The following TNXB variants were observed in gnomAD, a reference collection of about 807,000 sequenced individuals.
The protein encoded by TNXB is tenascin-X.
In TNXB, 183 loss-of-function variants were observed where a neutral mutation model predicts 340.5. That is an observed-to-expected ratio of 0.54 (90% CI 0.48 to 0.61). The LOEUF (loss-of-function observed/expected upper bound fraction) is 0.61. Ranked by LOEUF, TNXB falls within the 20% of genes least tolerant of loss-of-function variation. TNXB has a pLI of 0.00. For missense variants in TNXB, 4,613 were observed against 5,446.4 expected, an observed-to-expected ratio of 0.85 and a Z score of 4.82; for synonymous variants, 2,121 against 2,314.5, an observed-to-expected ratio of 0.92 and a Z score of 2.40.
intron 19 of TNXB, among the ~76,000 whole-genome samples, chr6:32,063,012 G>A (rs539238573): frequency 1.7e-4 from 26 of 151,954 alleles, no homozygotes; most frequent in South Asian, 1.2e-3. Flanking sequence ...CCAAGATCAC[G>A]CCACTGCACT....
At chr6:32,057,501 C>A (rs1018846296) in intron 22 of TNXB, among the ~76,000 whole-genome samples, 1 of 152,216 alleles carries the variant, frequency 6.6e-6, no homozygotes, top group African/African-American at 2.4e-5. Context: ...TCAGCCCCCA[C>A]GGATGAGCTT....
chr6:32,092,652 T>G (rs1259405127), intron 4 of TNXB, among the ~76,000 whole-genome samples: 2 of 148,780 alleles, frequency 1.3e-5, no homozygotes, highest in African/African-American at 5.0e-5. Flanking sequence ...ATTGCGCCAT[T>G]GCACTCCAGC....
In TNXB at chr6:32,042,530, G is replaced by A. The variant is rs1776503346; in HGVS notation, c.12135C>T (p.Thr4045=). The A allele has an allele frequency of 1.9e-6, 3 of 1,612,104 alleles. No homozygotes were observed. The highest frequency in any genetic ancestry group is 1.3e-5 in the African/African-American group (1 of 74,756). The change falls in exon 40 of 44, where the codon ACC becomes ACT. Residue 4045 remains threonine, a synonymous_variant. Coordinates refer to ENST00000644971, the MANE Select transcript of TNXB (RefSeq NM_001365276.2). ...GCTCGCGGTTGCCGTTGAGGAAGAT[G>A]GTGCTGGTCCTGGAGGCACCGGCTC... The part of the protein sequence containing the change: ...QNGAGASRTS[T]IFLNGNRERP...
In TNXB at chr6:32,082,718, G is replaced by A. The variant is rs944040862; in HGVS notation, c.3446-392C>T. Among the ~76,000 whole-genome samples the A allele has an allele frequency of 1.3e-5, 2 of 152,138 alleles. No individual in the cohort carries two copies. Among genetic ancestry groups the A allele is most frequent in the East Asian group, 3.8e-4 (2 of 5,196 alleles). On this transcript the variant is annotated intron_variant, in intron 8 of 43. Transcript: ENST00000644971. This position sits in a 1 kb window ranked among gnomAD's most constrained non-coding sequence, Gnocchi z 5.0. ...CCACTGCTTCCAAGCCTAACTACTAGCTGGCTTCTTCTCCAAGAGAGGAGA... is the reference window on the plus strand; with the variant it reads ...CCACTGCTTCCAAGCCTAACTACTAACTGGCTTCTTCTCCAAGAGAGGAGA...
chr6:32,095,310 G>T, intron 3 of TNXB, 119 bp from the exon 4 acceptor site: 1 of 794,048 alleles, frequency 1.3e-6, no homozygotes. Context: ...CTCTCTGCTA[G>T]TGGAGAATAG....
Position 32,061,150 on chromosome 6 carries a change from G to C in TNXB, c.7492+247C>G, listed in dbSNP as rs1777980689. Among the ~76,000 whole-genome samples, 2 of 152,000 alleles carry C rather than the reference G, an allele frequency of 1.3e-5. No homozygotes were observed. Among genetic ancestry groups the C allele is most frequent in the African/African-American group, 2.4e-5 (1 of 41,260 alleles). On this transcript the variant is annotated intron_variant, in intron 21 of 43. Transcript: ENST00000644971. The surrounding 1 kb of genome is among the most constrained non-coding windows in gnomAD (Gnocchi z 4.4). Reference sequence around the variant, plus strand: ...AAGATGGAAAGAAAGGAAAATTCTCGTAAGTCAGGCTTGGTGTGCGCCTGA... The same window carrying C: ...AAGATGGAAAGAAAGGAAAATTCTCCTAAGTCAGGCTTGGTGTGCGCCTGA...
In TNXB at chr6:32,043,749, C is replaced by T. The variant is rs780247922; in HGVS notation, c.11530G>A (p.Val3844Ile). The T allele has an allele frequency of 8.7e-6, 14 of 1,613,492 alleles. No homozygotes were observed. The highest frequency in any genetic ancestry group is 1.0e-5 in the Non-Finnish European group (12 of 1,180,016). ...SEPLTGFLTTVPDGPTQLRAL... is the reference protein window; with the variant it reads ...SEPLTGFLTTIPDGPTQLRAL... Reference sequence around the variant, plus strand: ...TGCCCCGGGTCCCAGTCCATCTCACCCGTGGTGAGGAAGCCTGTGAGAGGC... The same window carrying T: ...TGCCCCGGGTCCCAGTCCATCTCACTCGTGGTGAGGAAGCCTGTGAGAGGC... Residue 3844 changes from valine (V) to isoleucine (I), a missense_variant and splice_region_variant, in exon 35 of 44, where the codon GTT (valine) becomes ATT (isoleucine). Val to Ile is a conservative substitution (Grantham distance 29). Transcript: ENST00000644971.
Position 32,075,773 on chromosome 6 carries a change from C to T in TNXB, c.4376-1821G>A, listed in dbSNP as rs1779048628. 6.6e-6 allele frequency among the ~76,000 whole-genome samples: 1 copy of T among 152,140 alleles called. No homozygotes were observed. Among genetic ancestry groups the T allele is most frequent in the South Asian group, 2.1e-4 (1 of 4,832 alleles). On this transcript the variant is annotated intron_variant, in intron 11 of 43. Coordinates refer to ENST00000644971, the MANE Select transcript of TNXB (RefSeq NM_001365276.2). The surrounding 1 kb of genome is among the most constrained non-coding windows in gnomAD (Gnocchi z 4.6). ...GGTCTGGGCTCAGGACCTGCAGATC[C>T]CCACCACTCCCGCATGAGGAAGCAC...
Position 32,073,508 on chromosome 6 carries a change from G to A in TNXB, c.4681+139C>T. The A allele has an allele frequency of 1.4e-6, 1 of 701,518 alleles. No homozygotes were observed. The highest frequency in any genetic ancestry group is 2.3e-6 in the Non-Finnish European group (1 of 428,858). 43.5% of individuals were successfully genotyped at this position (701,518 alleles called of 1,614,324 possible). ...GGGTCAGGGAACAGAAAGACTGGCAGGGTCACCGAGCCAGGGCCTGAGGGG... is the reference window on the plus strand; with the variant it reads ...GGGTCAGGGAACAGAAAGACTGGCAAGGTCACCGAGCCAGGGCCTGAGGGG... On this transcript the variant is annotated intron_variant, in intron 12 of 43. Coordinates refer to ENST00000644971, the MANE Select transcript of TNXB (RefSeq NM_001365276.2). The surrounding 1 kb of genome is among the most constrained non-coding windows in gnomAD (Gnocchi z 4.6).
rs1214381958 is a variant in TNXB at position 32,087,857 on chromosome 6, A to C, written c.2779+928T>G. 2 of 454,458 alleles carry C rather than the reference A, an allele frequency of 4.4e-6. No individual in the cohort carries two copies. Among genetic ancestry groups the C allele is most frequent in the African/African-American group, 4.5e-5 (2 of 44,428 alleles). 28.2% of individuals were successfully genotyped at this position (454,458 alleles called of 1,614,324 possible). On this transcript the variant is annotated intron_variant, in intron 6 of 43. Coordinates refer to ENST00000644971, the MANE Select transcript of TNXB (RefSeq NM_001365276.2). The surrounding 1 kb of genome is among the most constrained non-coding windows in gnomAD (Gnocchi z 9.0). ...TGGGACAGGCTTGGCCTGGGCGGGGACTCCTCCTCCCTTTCCTCTGCTGGC... is the reference window on the plus strand; with the variant it reads ...TGGGACAGGCTTGGCCTGGGCGGGGCCTCCTCCTCCCTTTCCTCTGCTGGC...
chr6:32,082,415 G>T lies in TNXB; in HGVS notation c.3446-89C>A. 3 of 1,345,974 alleles carry T rather than the reference G, an allele frequency of 2.2e-6. No homozygotes were observed. The highest frequency in any genetic ancestry group is 2.0e-6 in the Non-Finnish European group (2 of 988,668). The allele number at this position is 1,345,974 out of a possible 1,614,324, so 83.4% of individuals were successfully genotyped here. A position where few individuals can be genotyped will look rare whatever the true frequency, so the allele number is the denominator to read the frequency against. ...CCACATAGGAATGCTGTGTGAGGCTGTGCAGGTTGTTCACTGCACAAAAGT... is the reference window on the plus strand; with the variant it reads ...CCACATAGGAATGCTGTGTGAGGCTTTGCAGGTTGTTCACTGCACAAAAGT... On this transcript the variant is annotated intron_variant, in intron 8 of 43. Transcript: ENST00000644971. The surrounding 1 kb of genome is among the most constrained non-coding windows in gnomAD (Gnocchi z 5.0).
At position 32,058,348 on chromosome 6, in the gene TNXB, G is replaced by A; in HGVS notation, c.7535C>T (p.Pro2512Leu). ...GGGGGGCCCTGGGGCCTCTGTGCCTGGTTCTGTAGGGCTGGGGGTCTCGTC... is the reference window on the plus strand; with the variant it reads ...GGGGGGCCCTGGGGCCTCTGTGCCTAGTTCTGTAGGGCTGGGGGTCTCGTC... ...DVDETPSPTE[P>L]GTEAPGPPEE... Residue 2512 changes from proline (P) to leucine (L), a missense_variant, in exon 22 of 44, where the codon CCA becomes CTA. This residue lies in a region of TNXB where 4,327 missense variants were observed against 4,859.4 expected (regional missense o/e 0.89). Coordinates refer to ENST00000644971, the MANE Select transcript of TNXB (RefSeq NM_001365276.2). This position sits in a 1 kb window ranked among gnomAD's most constrained non-coding sequence, Gnocchi z 5.1. 6.2e-7 allele frequency: 1 copy of A among 1,611,142 alleles called. No individual in the cohort carries two copies. The highest frequency in any genetic ancestry group is 2.2e-5 in the East Asian group (1 of 44,864).
At position 32,074,346 on chromosome 6, in the gene TNXB, C is replaced by A. The variant is rs957403869; in HGVS notation, c.4376-394G>T. Among the ~76,000 whole-genome samples the A allele has an allele frequency of 1.3e-5, 2 of 152,138 alleles. No homozygotes were observed. The highest frequency in any genetic ancestry group is 2.9e-5 in the Non-Finnish European group (2 of 68,034). On this transcript the variant is annotated intron_variant, in intron 11 of 43. Coordinates refer to ENST00000644971, the MANE Select transcript of TNXB (RefSeq NM_001365276.2). This position sits in a 1 kb window ranked among gnomAD's most constrained non-coding sequence, Gnocchi z 5.5. ...GCGATGTCTGTTGCATTTGTGGAAC[C>A]CGCATGATGGTTTTGATGTAAAAGC...
At position 32,067,997 on chromosome 6, in the gene TNXB, AAGAG is replaced by A. The variant is rs752629910; in HGVS notation, c.6221-17_6221-14del. The A allele has an allele frequency of 2.4e-5, 38 of 1,607,912 alleles. No individual in the cohort carries two copies. Among genetic ancestry groups the A allele is most frequent in the Non-Finnish European group, 3.2e-5 (38 of 1,176,752 alleles). On this transcript the variant is annotated splice_polypyrimidine_tract_variant and intron_variant, in intron 17 of 43. Transcript: ENST00000644971. The surrounding 1 kb of genome is among the most constrained non-coding windows in gnomAD (Gnocchi z 4.2). ...TCTTCCTCTGCAGCTGAGAAGGAGG[AAGAG>A]AGAGTGAGGGGGATGTCCTTGGGTA...
rs761996564 is a variant in TNXB, at chr6:32,050,028, C to T, written c.9409G>A (p.Val3137Ile). 32 of 1,613,714 alleles carry T rather than the reference C, an allele frequency of 2.0e-5. No homozygotes were observed. The highest frequency in any genetic ancestry group is 1.1e-4 in the African/African-American group (8 of 74,938). ...NLYGFHGGQR[V>I]GPVSAIGVTE... The stretch of plus-strand genomic sequence containing the variant: ...ACCCCAATGGCAGACACAGGGCCTA[C>T]GCGCTGGCCACCGTGGAAGCCGTAC... Residue 3137 changes from valine to isoleucine, a missense_variant, in exon 27 of 44, where the codon GTA becomes ATA. Coordinates refer to ENST00000644971, the MANE Select transcript of TNXB (RefSeq NM_001365276.2).
intron 25 of TNXB, 147 bp downstream of exon 25, chr6:32,053,241 C>G: frequency 7.5e-7 from 1 of 1,327,350 alleles, no homozygotes; most frequent in Admixed American, 2.4e-5. Context: ...CCAGGAAGAT[C>G]TGTCAGTCCT....
intron 13 of TNXB, among the ~76,000 whole-genome samples, chr6:32,071,490 C>T (rs536012954): frequency 2.0e-5 from 3 of 152,082 alleles, no homozygotes; most frequent in Non-Finnish European, 4.4e-5. Flanking sequence ...GTGGAAATTA[C>T]GAGAAGAGAG....
At chr6:32,043,639 G>A (rs1455918141) in intron 35 of TNXB, 83 bp from the exon 36 acceptor site, 18 of 1,497,420 alleles carry the variant, frequency 1.2e-5, no homozygotes, top group Admixed American at 1.7e-5. Context: ...CCTCCCGTCC[G>A]CAATCGGAGC....
At position 32,047,626 on chromosome 6, in the gene TNXB, T is replaced by A. The variant is rs1299446704; in HGVS notation, c.10324+108A>T. On this transcript the variant is annotated intron_variant, in intron 30 of 43. Coordinates refer to ENST00000644971, the MANE Select transcript of TNXB (RefSeq NM_001365276.2). This position sits in a 1 kb window ranked among gnomAD's most constrained non-coding sequence, Gnocchi z 6.2. The stretch of plus-strand genomic sequence containing the variant: ...GGACTCACTTTCGGAGTTAAGATGG[T>A]TGTGTCAGGGCTGATAGAGGGAATC... The A allele has an allele frequency of 2.3e-6, 3 of 1,298,194 alleles. No individual in the cohort carries two copies. Among genetic ancestry groups the A allele is most frequent in the Middle Eastern group, 4.8e-4 (2 of 4,190 alleles). 80.4% of individuals were successfully genotyped at this position (1,298,194 alleles called of 1,614,324 possible).
Sources: allele counts gnomAD v4.1 joint callset (sites outside exome capture counted in the v4.1 genomes callset), GRCh38; gene constraint gnomAD v4.1.1; regional missense constraint gnomAD v4.1.1; non-coding constraint Gnocchi (gnomAD v3.1); transcripts MANE v1.5; gene names NCBI Gene and HGNC (gene_info 2026-07-23, HGNC 2026-07-21).